P3H2: variants seen among roughly 807,000 people sequenced by gnomAD.
P3H2 encodes the protein prolyl 3-hydroxylase 2.
In P3H2, 80 loss-of-function variants were observed where a neutral mutation model predicts 87.0. The observed-to-expected ratio is 0.92, with a 90% CI of 0.77 to 1.11. The LOEUF is 1.11. Ranked by LOEUF, P3H2 falls within the 50% of genes least tolerant of loss-of-function variation. The pLI, the probability that P3H2 is intolerant of heterozygous loss-of-function variation, is 0.00. For synonymous variants in P3H2, 367 were observed against 359.3 expected, an observed-to-expected ratio of 1.02 and a Z score of -0.24; for missense variants, 1,001 against 923.9, an observed-to-expected ratio of 1.08 and a Z score of -1.08.
At chr3:189,992,177 C>T (rs924313800) in intron 3 of P3H2, among the ~76,000 whole-genome samples, 2 of 152,144 alleles carry the variant, frequency 1.3e-5, no homozygotes, top group Non-Finnish European at 1.5e-5. Flanking sequence ...TCACTGCAAC[C>T]TCGGCCTCCA....
At chr3:189,987,718 A>T in intron 4 of P3H2, 49 bp from the exon 5 acceptor site, 2 of 1,611,364 alleles carry the variant, frequency 1.2e-6, no homozygotes, top group Non-Finnish European at 1.7e-6. Context: ...GGTCTGTCCA[A>T]AGGATTTTAA....
chr3:189,982,146 C>T (rs1403348774), intron 8 of P3H2, among the ~76,000 whole-genome samples: 1 of 152,156 alleles, frequency 6.6e-6, no homozygotes, highest in African/African-American at 2.4e-5. Flanking sequence ...ATGTTTCATG[C>T]AGCAGGTGAA....
chr3:190,118,373 G>A (rs958317468), intron 1 of P3H2, among the ~76,000 whole-genome samples: 2 of 151,858 alleles, frequency 1.3e-5, no homozygotes, highest in South Asian at 2.1e-4. Context: ...AAGCTACAGG[G>A]ACCACCCATG....
chr3:190,015,722 G>T (rs1443150359), intron 1 of P3H2, among the ~76,000 whole-genome samples: 1 of 152,168 alleles, frequency 6.6e-6, no homozygotes, highest in African/African-American at 2.4e-5. Context: ...CCTAAAGAGG[G>T]CAGAGATTAC....
At chr3:189,980,221 T>C (rs1197093746) in intron 8 of P3H2, among the ~76,000 whole-genome samples, 1 of 152,160 alleles carries the variant, frequency 6.6e-6, no homozygotes, top group Non-Finnish European at 1.5e-5. Flanking sequence ...TGAAGTATAC[T>C]CTATTCTGCG....
intron 1 of P3H2, among the ~76,000 whole-genome samples, chr3:190,001,498 ATGG>A (rs1724215810): frequency 6.6e-6 from 1 of 152,146 alleles, no homozygotes; most frequent in Non-Finnish European, 1.5e-5. Flanking sequence ...ATGAAGTGCT[ATGG>A]TTTTTGCCTT....
chr3:189,984,524 C>A (rs1175050728), intron 7 of P3H2, 26 bp downstream of exon 7: 10 of 1,583,800 alleles, frequency 6.3e-6, no homozygotes, highest in Admixed American at 1.7e-5. Flanking sequence ...TCATAAAAAA[C>A]CAGTTTGCAT....
chr3:190,086,758 T>A (rs1727225069), intron 1 of P3H2, among the ~76,000 whole-genome samples: 1 of 152,138 alleles, frequency 6.6e-6, no homozygotes, highest in Non-Finnish European at 1.5e-5. Flanking sequence ...TACTCTCTGC[T>A]ACCAAGAAGT....
intron 1 of P3H2, among the ~76,000 whole-genome samples, chr3:190,090,635 G>A (rs370041830): frequency 5.9e-5 from 9 of 152,086 alleles, no homozygotes; most frequent in South Asian, 2.1e-4. Flanking sequence ...GCTGGGAGGC[G>A]GAGCTTGCAG....
At chr3:190,041,081 CTCT>C (rs1725608417) in intron 1 of P3H2, among the ~76,000 whole-genome samples, 1 of 36,716 alleles carries the variant, frequency 2.7e-5, no homozygotes, top group Admixed American at 3.7e-4. Flanking sequence ...CACACACACA[CTCT>C]CTCTCTCTAT....
At chr3:190,019,780 T>TAAAAA (rs770165435) in intron 1 of P3H2, among the ~76,000 whole-genome samples, 1 of 57,188 alleles carries the variant, frequency 1.7e-5, no homozygotes, top group African/African-American at 5.4e-5. Context: ...ACCTAGAAAT[T>TAAAAA]AAAAAATATA....
intron 1 of P3H2, among the ~76,000 whole-genome samples, chr3:190,037,798 T>G (rs1013673122): frequency 6.6e-6 from 1 of 152,218 alleles, no homozygotes; most frequent in African/African-American, 2.4e-5. Flanking sequence ...CACTCAATAT[T>G]TGTTAAGCAA....
chr3:189,960,202 C>T (rs1396523245), intron 14 of P3H2, among the ~76,000 whole-genome samples: 1 of 152,128 alleles, frequency 6.6e-6, no homozygotes, highest in African/African-American at 2.4e-5. Context: ...ACTTGTTTGG[C>T]GAGGCCTCAC....
At chr3:190,030,331 G>A (rs1725213842) in intron 1 of P3H2, among the ~76,000 whole-genome samples, 1 of 152,152 alleles carries the variant, frequency 6.6e-6, no homozygotes, top group Non-Finnish European at 1.5e-5. Flanking sequence ...TAGCAGTTTG[G>A]GAAGCTGAGG....
At chr3:190,118,444 G>T (rs1272414685) in intron 1 of P3H2, among the ~76,000 whole-genome samples, 2 of 151,886 alleles carry the variant, frequency 1.3e-5, no homozygotes, top group Admixed American at 1.3e-4. Flanking sequence ...TCCCCTCTCT[G>T]CCTGGTGTTG....
At chr3:190,000,696 G>A (rs1323071680) in intron 1 of P3H2, among the ~76,000 whole-genome samples, 2 of 152,176 alleles carry the variant, frequency 1.3e-5, no homozygotes, top group South Asian at 2.1e-4. Context: ...CAAGTGAAAG[G>A]TGCCTGAAGT....
intron 1 of P3H2, among the ~76,000 whole-genome samples, chr3:190,006,794 T>C (rs1036344264): frequency 5.9e-5 from 9 of 152,184 alleles, no homozygotes; most frequent in Admixed American, 6.5e-5. Flanking sequence ...AGCAGAAATG[T>C]CTCAGATCTA....
At chr3:190,015,576 T>G (rs534375267) in intron 1 of P3H2, among the ~76,000 whole-genome samples, 1 of 152,310 alleles carries the variant, frequency 6.6e-6, no homozygotes, top group South Asian at 2.1e-4. Context: ...CTCAATCATC[T>G]TCTTTCGACC....
At position 189,956,829 on chromosome 3, in the gene P3H2, G is replaced by A. The variant is rs1577237167; in HGVS notation, c.*1083C>T. 1.7e-5 allele frequency: 5 copies of A among 302,646 alleles called. No individual in the cohort carries two copies. Among genetic ancestry groups the A allele is most frequent in the East Asian group, 5.4e-5 (1 of 18,630 alleles). The allele number at this position is 302,646 out of a possible 1,614,324, so 18.7% of individuals were successfully genotyped here. The stretch of plus-strand genomic sequence containing the variant: ...GGCCCCCAAAATATAAGCAGATGAC[G>A]GTTAAAATCAATCAGAAATTTATTT... On this transcript the variant is annotated 3_prime_UTR_variant, in exon 15 of 15. Transcript: ENST00000319332.
Sources: allele counts gnomAD v4.1 joint callset (sites outside exome capture counted in the v4.1 genomes callset), GRCh38; gene constraint gnomAD v4.1.1; transcripts MANE v1.5; gene names NCBI Gene and HGNC (gene_info 2026-07-23, HGNC 2026-07-21).